Variants in TMEM161A observed in about 807,000 individuals in gnomAD.
TMEM161A encodes adaptive response to oxidative stress protein 29.
A neutral mutation model predicts 57.1 loss-of-function variants in TMEM161A; 46 were observed. That is an observed-to-expected ratio of 0.81 (90% CI 0.64 to 1.03). The LOEUF (loss-of-function observed/expected upper bound fraction) is 1.03. TMEM161A is among the 50% of genes least tolerant of loss of function. The pLI, the probability that TMEM161A is intolerant of heterozygous loss-of-function variation, is 0.00. For missense variants in TMEM161A, 601 were observed against 621.5 expected (o/e 0.97, Z 0.35); for synonymous variants, 288 against 279.0 (o/e 1.03, Z -0.32).
At position 19,121,091 on chromosome 19, in the gene TMEM161A, G is replaced by A. The variant is rs376707217; in HGVS notation, c.990C>T (p.Thr330=). The A allele has an allele frequency of 1.7e-4, 275 of 1,611,258 alleles. 1 individual carries two copies. The Middle Eastern group carries it at 5.4e-3, about 32-fold the overall frequency. ...ACAGGTAGGCCTGCAGGTGGGGCCG[G>A]GTCACCGCCAGCCGCAGCAGGCACA... ...VVLCLLRLAV[T]RPHLQAYLCL... is the part of the protein sequence containing the mutation. Residue 330 remains threonine (T), a synonymous_variant, in exon 10 of 12, where the codon ACC becomes ACT. Transcript: ENST00000162044. This position sits in a 1 kb window ranked among gnomAD's most constrained non-coding sequence, Gnocchi z 5.8.
At position 19,121,829 on chromosome 19, in the gene TMEM161A, A is replaced by G. The variant is rs1265195791; in HGVS notation, c.596-10T>C. Reference sequence around the variant, plus strand: ...GTCATGCTGGCCAGACCTGGGGACGATAAGAAGAGGACCGAGTAGAGTGAA... The same window carrying G: ...GTCATGCTGGCCAGACCTGGGGACGGTAAGAAGAGGACCGAGTAGAGTGAA... On this transcript the variant is annotated splice_polypyrimidine_tract_variant and intron_variant, in intron 6 of 11. Coordinates refer to ENST00000162044, the MANE Select transcript of TMEM161A (RefSeq NM_017814.3). The surrounding 1 kb of genome is among the most constrained non-coding windows in gnomAD (Gnocchi z 5.8). 6.2e-7 allele frequency: 1 copy of G among 1,613,648 alleles called. No individual in the cohort carries two copies. Among genetic ancestry groups the G allele is most frequent in the South Asian group, 1.1e-5 (1 of 91,074 alleles).
rs11550042 is a variant in TMEM161A at position 19,133,153 on chromosome 19, C to T, written c.165G>A (p.Pro55=). The T allele has an allele frequency of 4.4e-4, 716 of 1,614,138 alleles. 1 individual carries two copies. The African/African-American group carries it at 5.1e-3, about 12-fold the overall frequency. ...EEELRALAGK[P]RPRGRKERWA... ...ACCGCTCTTTCCTGCCTCTGGGCCT[C>T]GGCTTCCCCGCCAGGGCCCGAAGCT... Residue 55 remains proline (P), a synonymous_variant, in exon 3 of 12, where the codon CCG becomes CCA. Transcript: ENST00000162044.
At position 19,132,614 on chromosome 19, in the gene TMEM161A, A is replaced by C; in HGVS notation, c.286+43T>G. The C allele has an allele frequency of 6.4e-7, 1 of 1,557,790 alleles. No homozygotes were observed. Among genetic ancestry groups the C allele is most frequent in the South Asian group, 1.2e-5 (1 of 81,700 alleles). On this transcript the variant is annotated intron_variant, in intron 4 of 11. Coordinates refer to ENST00000162044, the MANE Select transcript of TMEM161A (RefSeq NM_017814.3). The surrounding 1 kb of genome is among the most constrained non-coding windows in gnomAD (Gnocchi z 4.3). ...CCCCCATGAGGGTGTGGAGACCTTC[A>C]GGGCTGAGGGAGTAGAGTTTAGGGA... is the stretch of plus-strand genomic sequence containing the variant.
chr19:19,119,947 G>A lies in TMEM161A; in HGVS notation c.1423C>T (p.His475Tyr). 6.4e-7 allele frequency: 1 copy of A among 1,559,024 alleles called. No homozygotes were observed. The highest frequency in any genetic ancestry group is 8.7e-7 in the Non-Finnish European group (1 of 1,152,676). The change falls in exon 12 of 12, where the codon CAC (histidine) becomes TAC (tyrosine). Residue 475 changes from histidine to tyrosine, a missense_variant. Transcript: ENST00000162044. ...GCAGGCAGCTAGGAGCCTGCCAAGT[G>A]CTGGTGGAAGTAGAGGCCGAAAAGG... ...ASLFGLYFHQHLAGS is the reference protein window; with the variant it reads ...ASLFGLYFHQYLAGS
rs752198779 is a variant in TMEM161A, at chr19:19,132,452, C to T, written c.343G>A (p.Gly115Ser). 16 of 1,614,036 alleles carry T rather than the reference C, an allele frequency of 9.9e-6. No individual in the cohort carries two copies. The highest frequency in any genetic ancestry group is 2.2e-5 in the East Asian group (1 of 44,892). The change falls in exon 5 of 12, where the codon GGC becomes AGC. Residue 115 changes from glycine (G) to serine (S), a missense_variant. Transcript: ENST00000162044. This position sits in a 1 kb window ranked among gnomAD's most constrained non-coding sequence, Gnocchi z 4.3. ...WFVDFAVYSG[G>S]VYLFTEAYYY... Reference sequence around the variant, plus strand: ...TAGGCCTCTGTGAAGAGGTACACGCCGCCCGAGTACACAGCAAAGTCCACA... The same window carrying T: ...TAGGCCTCTGTGAAGAGGTACACGCTGCCCGAGTACACAGCAAAGTCCACA...
intron 10 of TMEM161A, 36 bp from the exon 11 acceptor site, chr19:19,120,897 G>A (rs745491236): frequency 2.5e-6 from 4 of 1,611,900 alleles, no homozygotes; most frequent in Non-Finnish European, 3.4e-6. Context: ...GCAGCAGGAG[G>A]CCTTCTGGTT....
Position 19,132,530 on chromosome 19 carries a change from GC to G in TMEM161A, c.287-23del. ...AGGACTGTGGGGGGCACTCTGCTCA[GC>G]CCTGGGGCCCAGCTCGCTCCCCTCC... On this transcript the variant is annotated intron_variant, in intron 4 of 11. Coordinates refer to ENST00000162044, the MANE Select transcript of TMEM161A (RefSeq NM_017814.3). The surrounding 1 kb of genome is among the most constrained non-coding windows in gnomAD (Gnocchi z 4.3). The G allele has an allele frequency of 1.2e-6, 2 of 1,608,324 alleles. No individual in the cohort carries two copies. The highest frequency in any genetic ancestry group is 1.7e-6 in the Non-Finnish European group (2 of 1,176,944).
chr19:19,134,800 GC>G lies in TMEM161A; in HGVS notation c.90del (p.Trp30CysfsTer115). 6.3e-7 allele frequency: 1 copy of G among 1,581,712 alleles called. No individual in the cohort carries two copies. Among genetic ancestry groups the G allele is most frequent in the Admixed American group, 1.8e-5 (1 of 55,374 alleles). ...GGGGCTCACCTGCCGTTACAGAGCA[GC>G]CAGCGCGCGAAGGAGCAGTGTGGCG... Reference protein sequence around the residue: ...RLAPHCSFARWLLCNGSLFRY... With the variant: ...RLAPHCSFARXLLCNGSLFRY... On this transcript the variant is annotated frameshift_variant, in exon 2 of 12. Coordinates refer to ENST00000162044, the MANE Select transcript of TMEM161A (RefSeq NM_017814.3). LOFTEE classifies it high-confidence loss of function.
chr19:19,119,775 A>AG lies in TMEM161A; in HGVS notation c.*154dup. On this transcript the variant is annotated 3_prime_UTR_variant, in exon 12 of 12. Coordinates refer to ENST00000162044, the MANE Select transcript of TMEM161A (RefSeq NM_017814.3). ...TTCTGAGGCAGAAACTCGGCGTCCA[A>AG]GGGGGGCCGCGGGTCAGGCACTGTG... is the stretch of plus-strand genomic sequence containing the variant. The AG allele has an allele frequency of 1.0e-6, 1 of 955,540 alleles. No homozygotes were observed. Among genetic ancestry groups the AG allele is most frequent in the South Asian group, 1.7e-5 (1 of 58,294 alleles). The allele number at this position is 955,540 out of a possible 1,614,324, so 59.2% of individuals were successfully genotyped here.
intron 2 of TMEM161A, 133 bp downstream of exon 2, chr19:19,134,651 A>G: frequency 1.6e-6 from 1 of 629,306 alleles, no homozygotes; most frequent in Non-Finnish European, 2.8e-6. Context: ...TACTTCAATT[A>G]CACCTCAACA....
rs748389007 is a variant in TMEM161A at position 19,121,534 on chromosome 19, G to C, written c.791C>G (p.Pro264Arg). ...AAGCGACCCACTTAACTGCAGCATG[G>C]GTCTGTCCTCCGACATGGTCAGTGC... ...RDALTMSEDR[P>R]MLQFLLHTSF... The change falls in exon 8 of 12, where the codon CCC (proline) becomes CGC (arginine). Residue 264 changes from proline (P) to arginine (R), a missense_variant. Transcript: ENST00000162044. This position sits in a 1 kb window ranked among gnomAD's most constrained non-coding sequence, Gnocchi z 5.8. 1.2e-6 allele frequency: 2 copies of C among 1,613,826 alleles called. No individual in the cohort carries two copies. Among genetic ancestry groups the C allele is most frequent in the African/African-American group, 2.7e-5 (2 of 74,890 alleles).
intron 5 of TMEM161A, among the ~76,000 whole-genome samples, chr19:19,131,151 C>G (rs1044214447): frequency 1.3e-5 from 2 of 151,822 alleles, no homozygotes; most frequent in East Asian, 3.9e-4. Context: ...ACCCGGGAGA[C>G]AGAGGTTGTA....
Position 19,119,575 on chromosome 19 carries a change from A to C in TMEM161A, c.*355T>G. ...TGCCACAGGGACGTGCAAGACAGCT[A>C]CCACCCTGCACAAGCCCGAGTCCCA... On this transcript the variant is annotated 3_prime_UTR_variant, in exon 12 of 12. Transcript: ENST00000162044. 3.7e-6 allele frequency: 1 copy of C among 271,574 alleles called. No individual in the cohort carries two copies. Among genetic ancestry groups the C allele is most frequent in the Non-Finnish European group, 7.3e-6 (1 of 136,628 alleles). 16.8% of individuals were successfully genotyped at this position (271,574 alleles called of 1,614,324 possible).
chr19:19,127,723 A>T (rs2059937931), intron 6 of TMEM161A, among the ~76,000 whole-genome samples: 1 of 151,562 alleles, frequency 6.6e-6, no homozygotes, highest in African/African-American at 2.4e-5. Context: ...CGAGGCCAGG[A>T]GTTTGAGACC....
chr19:19,125,745 C>T (rs541582526), intron 6 of TMEM161A, among the ~76,000 whole-genome samples: 6 of 151,904 alleles, frequency 3.9e-5, no homozygotes, highest in Non-Finnish European at 7.4e-5. Context: ...CTCGATCTGC[C>T]GACCTCGTGA....
chr19:19,138,322 A>G (rs954390373), intron 1 of TMEM161A, 104 bp downstream of exon 1: 32 of 1,510,102 alleles, frequency 2.1e-5, no homozygotes, highest in African/African-American at 1.7e-4. Flanking sequence ...AGAGCCTCCA[A>G]TCCCCAAGAA....
chr19:19,126,937 C>T (rs937598434), intron 6 of TMEM161A, among the ~76,000 whole-genome samples: 2 of 148,268 alleles, frequency 1.3e-5, no homozygotes, highest in African/African-American at 5.0e-5. Flanking sequence ...GTCCCAGCTA[C>T]TTGGGAGCCT....
At chr19:19,135,503 C>T (rs1224038732) in intron 1 of TMEM161A, among the ~76,000 whole-genome samples, 8 of 152,184 alleles carry the variant, frequency 5.3e-5, no homozygotes, top group African/African-American at 1.4e-4. Flanking sequence ...TGGCCACCTC[C>T]TGTTTTGGTG....
At chr19:19,137,923 T>C (rs2059991543) in intron 1 of TMEM161A, among the ~76,000 whole-genome samples, 1 of 152,172 alleles carries the variant, frequency 6.6e-6, no homozygotes, top group South Asian at 2.1e-4. Context: ...TTGCCCGCCC[T>C]GAGGCCAACC....
Sources: gnomAD v4.1 joint callset for allele counts (sites outside exome capture counted in the v4.1 genomes callset) on GRCh38, gnomAD v4.1.1 for gene constraint, Gnocchi (gnomAD v3.1) non-coding constraint, MANE v1.5 for transcripts, NCBI Gene and HGNC (gene_info 2026-07-23, HGNC 2026-07-21) for gene names.